The following CACNA2D2 variants were observed in gnomAD, a reference collection of about 807,000 sequenced individuals.
CACNA2D2 encodes the protein calcium voltage-gated channel auxiliary subunit alpha2delta 2.
CACNA2D2 carries 48 observed loss-of-function variants against 166.4 expected under a neutral mutation model. That is an observed-to-expected ratio of 0.29 (90% CI 0.23 to 0.37). The LOEUF (loss-of-function observed/expected upper bound fraction) is 0.37. Among genes scored for constraint, CACNA2D2 ranks in the 10% least tolerant of loss-of-function variants. The pLI, the probability that CACNA2D2 is intolerant of heterozygous loss-of-function variation, is 1.00. For missense variants in CACNA2D2, 1,122 were observed against 1,433.0 expected, an observed-to-expected ratio of 0.78 and a Z score of 3.50; for synonymous variants, 561 against 573.7, an observed-to-expected ratio of 0.98 and a Z score of 0.32.
Position 50,418,053 on chromosome 3 carries a change from T to C in CACNA2D2, c.405+16260A>G, listed in dbSNP as rs535618117. 9.0e-4 allele frequency among the ~76,000 whole-genome samples: 136 copies of C among 151,866 alleles called. No homozygotes were observed. In the Middle Eastern group the frequency reaches 0.01, roughly 11 times the overall value. On this transcript the variant is annotated intron_variant, in intron 3 of 37. Coordinates refer to ENST00000424201, the MANE Select transcript of CACNA2D2 (RefSeq NM_006030.4). ...CCCCGCGAAGGGGCCAGATGGGAGG[T>C]GGTGGCAGTGCTGTGAGAGGCAGGA...
At position 50,475,461 on chromosome 3, in the gene CACNA2D2, G is replaced by A. The variant is rs576545759; in HGVS notation, c.288+657C>T. On this transcript the variant is annotated intron_variant, in intron 2 of 37. Transcript: ENST00000424201. ...CGTAGCTCCATCACTCCAAGAGCTC[G>A]GCCCTCCCAGCCTCTGCATCTCCAC... 5.9e-5 allele frequency among the ~76,000 whole-genome samples: 9 copies of A among 152,152 alleles called. No individual in the cohort carries two copies. In the East Asian group the frequency reaches 1.2e-3, roughly 20 times the overall value.
Position 50,367,521 on chromosome 3 carries a change from G to T in CACNA2D2, c.2298-24C>A. 2.5e-6 allele frequency: 4 copies of T among 1,611,124 alleles called. No homozygotes were observed. The highest frequency in any genetic ancestry group is 3.4e-6 in the Non-Finnish European group (4 of 1,177,570). On this transcript the variant is annotated intron_variant, in intron 26 of 37. Transcript: ENST00000424201. This position sits in a 1 kb window ranked among gnomAD's most constrained non-coding sequence, Gnocchi z 6.5. Reference sequence around the variant, plus strand: ...CCCTGGAGCACCCAAGAGGCAGACTGGTAGGTAAGGGGTGGCTTGTCGGGG... The same window carrying T: ...CCCTGGAGCACCCAAGAGGCAGACTTGTAGGTAAGGGGTGGCTTGTCGGGG...
Position 50,365,336 on chromosome 3 carries a change from T to C in CACNA2D2, c.3098+20A>G, listed in dbSNP as rs775032146. On this transcript the variant is annotated intron_variant, in intron 35 of 37. Transcript: ENST00000424201. This position sits in a 1 kb window ranked among gnomAD's most constrained non-coding sequence, Gnocchi z 4.5. ...CACAGGTTCCGCCCTTGGCCTCTGG[T>C]CCCGCCCCACTGCCAGCACCTGGAG... 18 of 1,607,804 alleles carry C rather than the reference T, an allele frequency of 1.1e-5. No homozygotes were observed. Among genetic ancestry groups the C allele is most frequent in the South Asian group, 8.8e-5 (8 of 90,804 alleles).
At chr3:50,460,945 C>A (rs901350124) in intron 2 of CACNA2D2, among the ~76,000 whole-genome samples, 4 of 151,370 alleles carry the variant, frequency 2.6e-5, no homozygotes, top group Non-Finnish European at 5.9e-5. Context: ...GATTTTCTCA[C>A]AGAAAGACAC....
At chr3:50,388,640 C>CT (rs1705727829) in intron 4 of CACNA2D2, among the ~76,000 whole-genome samples, 1 of 152,224 alleles carries the variant, frequency 6.6e-6, no homozygotes, top group South Asian at 2.1e-4. Context: ...CGGACACCCG[C>CT]TTCCCAAGGC....
chr3:50,489,080 A>T (rs1375441494), intron 1 of CACNA2D2, among the ~76,000 whole-genome samples: 1 of 152,330 alleles, frequency 6.6e-6, no homozygotes, highest in East Asian at 1.9e-4. Flanking sequence ...AAGGTGCTCA[A>T]AAAATGCTGG....
intron 1 of CACNA2D2, among the ~76,000 whole-genome samples, chr3:50,486,915 G>A (rs1323596646): frequency 1.3e-5 from 2 of 152,356 alleles, no homozygotes; most frequent in East Asian, 3.9e-4. Flanking sequence ...GGAGGACAGG[G>A]CTGGGAAAGG....
intron 1 of CACNA2D2, among the ~76,000 whole-genome samples, chr3:50,477,233 C>T (rs1432564308): frequency 6.6e-6 from 1 of 152,206 alleles, no homozygotes; most frequent in Admixed American, 6.5e-5. Flanking sequence ...CCGGCCCACC[C>T]TGGGATTGTT....
chr3:50,496,713 C>T (rs1182165326), intron 1 of CACNA2D2, among the ~76,000 whole-genome samples: 1 of 152,236 alleles, frequency 6.6e-6, no homozygotes, highest in Non-Finnish European at 1.5e-5. Flanking sequence ...AGTACAGCCA[C>T]GGAAGCCCTG....
chr3:50,410,441 T>C (rs896640202), intron 3 of CACNA2D2, among the ~76,000 whole-genome samples: 3 of 151,160 alleles, frequency 2.0e-5, no homozygotes, highest in Non-Finnish European at 4.4e-5. Context: ...GGGGTTGGTG[T>C]CCCTTCCCCG....
chr3:50,401,914 T>C (rs906930655), intron 3 of CACNA2D2, among the ~76,000 whole-genome samples: 5 of 152,136 alleles, frequency 3.3e-5, no homozygotes, highest in African/African-American at 7.2e-5. Flanking sequence ...GGTTTCACCA[T>C]GTTGCCCAGG....
At chr3:50,434,210 A>G in intron 3 of CACNA2D2, 103 bp downstream of exon 3, 2 of 777,364 alleles carry the variant, frequency 2.6e-6, no homozygotes, top group South Asian at 1.6e-5. Context: ...TGAACTCAGG[A>G]GGGCCACGTG....
At chr3:50,397,867 A>T (rs1183488002) in intron 3 of CACNA2D2, among the ~76,000 whole-genome samples, 1 of 152,208 alleles carries the variant, frequency 6.6e-6, no homozygotes, top group Non-Finnish European at 1.5e-5. Flanking sequence ...ACATGTCCTG[A>T]GGCAGGGATC....
intron 2 of CACNA2D2, among the ~76,000 whole-genome samples, chr3:50,460,471 A>C (rs188919183): frequency 1.4e-5 from 2 of 147,714 alleles, no homozygotes; most frequent in African/African-American, 5.4e-5. Flanking sequence ...TTCAAAATAA[A>C]AAGTTTTTTT....
intron 23 of CACNA2D2, 56 bp downstream of exon 23, chr3:50,370,264 G>A: frequency 1.6e-6 from 2 of 1,245,764 alleles, no homozygotes; most frequent in Non-Finnish European, 2.3e-6. Flanking sequence ...GCAGGAGGTG[G>A]GGCCGGGGCG....
chr3:50,483,926 T>C (rs1044780777), intron 1 of CACNA2D2, among the ~76,000 whole-genome samples: 9 of 152,168 alleles, frequency 5.9e-5, no homozygotes, highest in African/African-American at 1.9e-4. Context: ...CACAGAGCAA[T>C]TGAGAGATGT....
At position 50,377,424 on chromosome 3, in the gene CACNA2D2, C is replaced by T. The variant is rs1422349750; in HGVS notation, c.1626+43G>A. 6.0e-6 allele frequency: 9 copies of T among 1,511,340 alleles called. No individual in the cohort carries two copies. In the African/African-American group the frequency reaches 8.2e-5, roughly 14 times the overall value. The allele number at this position is 1,511,340 out of a possible 1,614,324, so 93.6% of individuals were successfully genotyped here. ...CTTCTCTGCTGAGCCTGCCTGTGTC[C>T]ACATGGGAGGCAGGGTACGCGGATG... On this transcript the variant is annotated intron_variant, in intron 17 of 37. Transcript: ENST00000424201.
intron 1 of CACNA2D2, among the ~76,000 whole-genome samples, chr3:50,492,353 C>T (rs761671654): frequency 6.6e-6 from 1 of 152,232 alleles, no homozygotes; most frequent in Non-Finnish European, 1.5e-5. Context: ...TAGGCCCTGC[C>T]TGAGACAGGA....
At chr3:50,477,647 A>T (rs1456302725) in intron 1 of CACNA2D2, among the ~76,000 whole-genome samples, 1 of 152,198 alleles carries the variant, frequency 6.6e-6, no homozygotes, top group Non-Finnish European at 1.5e-5. Context: ...TTACAGACCA[A>T]GACCTTTCCA....
Sources: allele counts gnomAD v4.1 joint callset (sites outside exome capture counted in the v4.1 genomes callset), GRCh38; gene constraint gnomAD v4.1.1; non-coding constraint Gnocchi (gnomAD v3.1); transcripts MANE v1.5; gene names NCBI Gene and HGNC (gene_info 2026-07-23, HGNC 2026-07-21).